The following SHMT1 variants were observed in gnomAD, a reference collection of about 807,000 sequenced individuals.
SHMT1 encodes serine hydroxymethyltransferase 1.
SHMT1 carries 45 observed loss-of-function variants against 49.0 expected under a neutral mutation model. That is an observed-to-expected ratio of 0.92 (90% CI 0.72 to 1.18). SHMT1 has a LOEUF of 1.18. Ranked by LOEUF, SHMT1 falls within the 50% of genes most tolerant of loss-of-function variation. The pLI, the probability that SHMT1 is intolerant of heterozygous loss-of-function variation, is 0.00. For synonymous variants in SHMT1, 232 were observed against 246.6 expected, an observed-to-expected ratio of 0.94 and a Z score of 0.55; for missense variants, 541 against 612.4, an observed-to-expected ratio of 0.88 and a Z score of 1.23.
At chr17:18,329,512 A>C (rs1567766107) in intron 10 of SHMT1, 124 bp from the exon 11 acceptor site, 1 of 760,288 alleles carries the variant, frequency 1.3e-6, no homozygotes, top group Non-Finnish European at 2.2e-6. Flanking sequence ...CCTAGCAAGG[A>C]GTACAACTGA....
At chr17:18,330,291 A>G (rs768351475) in intron 10 of SHMT1, among the ~76,000 whole-genome samples, 15 of 151,920 alleles carry the variant, frequency 9.9e-5, no homozygotes, top group Non-Finnish European at 2.1e-4. Context: ...ATGCACCACC[A>G]TGCCCAGCTA....
chr17:18,343,053 G>A (rs1431392645), intron 5 of SHMT1, among the ~76,000 whole-genome samples: 5 of 152,124 alleles, frequency 3.3e-5, no homozygotes, highest in Admixed American at 3.3e-4. Flanking sequence ...GAGAGATACT[G>A]AGCAAAGGGT....
chr17:18,352,602 C>T (rs905870148), intron 3 of SHMT1, among the ~76,000 whole-genome samples: 1 of 152,032 alleles, frequency 6.6e-6, no homozygotes, highest in Non-Finnish European at 1.5e-5. Context: ...AGGTGGATTG[C>T]TTGAGCTCAG....
In SHMT1 at chr17:18,328,784, G is replaced by A. The variant is rs752261133; in HGVS notation, c.1418C>T (p.Ser473Phe). The change falls in exon 12 of 12, where the codon TCT (serine) becomes TTT (phenylalanine). Residue 473 changes from serine (S) to phenylalanine (F), a missense_variant. Physicochemically the swap from Ser to Phe is radical, Grantham distance 155 (BLOSUM62 -2). Transcript: ENST00000316694. The part of the protein sequence containing the change: ...ALREEVESFA[S>F]LFPLPGLPDF ...AGGCAGGCCAGGCAGAGGGAAGAGA[G>A]AGGCGAAGCTCTCAACCTCCTCCCG... 4 of 1,597,858 alleles carry A rather than the reference G, an allele frequency of 2.5e-6. No individual in the cohort carries two copies. The highest frequency in any genetic ancestry group is 3.4e-6 in the Non-Finnish European group (4 of 1,171,902).
intron 5 of SHMT1, among the ~76,000 whole-genome samples, chr17:18,342,515 T>C (rs1303552223): frequency 1.3e-5 from 2 of 151,096 alleles, no homozygotes; most frequent in Non-Finnish European, 2.9e-5. Flanking sequence ...GGTTTCACCA[T>C]GTTGCCCAGG....
At chr17:18,329,542 C>A (rs1227523240) in intron 10 of SHMT1, among the ~76,000 whole-genome samples, 154 bp from the exon 11 acceptor site, 1 of 152,184 alleles carries the variant, frequency 6.6e-6, no homozygotes, top group African/African-American at 2.4e-5. Context: ...TAAAGTAGAA[C>A]CCAAGGCACA....
chr17:18,328,570 G>T lies in SHMT1; in HGVS notation c.*180C>A, dbSNP rs1446807378. The T allele has an allele frequency of 6.2e-6, 4 of 642,812 alleles. No individual in the cohort carries two copies. Among genetic ancestry groups the T allele is most frequent in the Non-Finnish European group, 5.3e-6 (2 of 376,470 alleles). The allele number at this position is 642,812 out of a possible 1,614,324, so 39.8% of individuals were successfully genotyped here. ...AACCTGTCCCAGAATTACTAACAATGAGACTTAAACAAATTTTGATTTGTG... is the reference window on the plus strand; with the variant it reads ...AACCTGTCCCAGAATTACTAACAATTAGACTTAAACAAATTTTGATTTGTG... On this transcript the variant is annotated 3_prime_UTR_variant, in exon 12 of 12. Transcript: ENST00000316694.
rs768874278 is a variant in SHMT1, at chr17:18,353,672, C to T, written c.242G>A (p.Arg81Lys). 1 of 1,614,096 alleles carries T rather than the reference C, an allele frequency of 6.2e-7. No individual in the cohort carries two copies. The highest frequency in any genetic ancestry group is 8.5e-7 in the Non-Finnish European group (1 of 1,180,014). The change falls in exon 3 of 12, where the codon AGA becomes AAA. Residue 81 changes from arginine to lysine, a missense_variant and splice_region_variant. Physicochemically the swap from Arg to Lys is conservative, Grantham distance 26. Coordinates refer to ENST00000316694, the MANE Select transcript of SHMT1 (RefSeq NM_004169.5). ...NKYSEGYPGQ[R>K]YYGGTEFIDE... The stretch of plus-strand genomic sequence containing the variant: ...CAGGCCTTTGAAGATATTCACATAC[C>T]TCTGGCCCGGGTACCCCTCAGAGTA...
intron 11 of SHMT1, 48 bp from the exon 12 acceptor site, chr17:18,328,967 G>A: frequency 6.2e-7 from 1 of 1,609,020 alleles, no homozygotes; most frequent in Non-Finnish European, 8.5e-7. Flanking sequence ...ACACCAAAGG[G>A]GGTACAATGG....
chr17:18,349,773 C>A (rs1985489102), intron 3 of SHMT1, among the ~76,000 whole-genome samples: 1 of 151,974 alleles, frequency 6.6e-6, no homozygotes, highest in South Asian at 2.1e-4. Flanking sequence ...GTAATCTCAG[C>A]ACTTTGGGAG....
At chr17:18,338,619 A>AG (rs1236048978) in intron 7 of SHMT1, among the ~76,000 whole-genome samples, 1 of 152,246 alleles carries the variant, frequency 6.6e-6, no homozygotes, top group Non-Finnish European at 1.5e-5. Flanking sequence ...CGAATAGAAA[A>AG]GGGGGAAATG....
chr17:18,351,923 C>T (rs1985748764), intron 3 of SHMT1, among the ~76,000 whole-genome samples: 1 of 152,130 alleles, frequency 6.6e-6, no homozygotes, highest in African/African-American at 2.4e-5. Flanking sequence ...TAGCTCACTG[C>T]AGCCTTTGAT....
chr17:18,363,530 C>T lies in SHMT1; in HGVS notation c.-178G>A, dbSNP rs1276822582. 1 of 152,312 alleles carries T rather than the reference C, an allele frequency of 6.6e-6. No individual in the cohort carries two copies. The highest frequency in any genetic ancestry group is 1.5e-5 in the Non-Finnish European group (1 of 68,088). 9.4% of individuals were successfully genotyped at this position (152,312 alleles called of 1,614,324 possible). A position where few individuals can be genotyped will look rare whatever the true frequency, so the allele number is the denominator to read the frequency against. On this transcript the variant is annotated 5_prime_UTR_variant, in exon 1 of 12. Coordinates refer to ENST00000316694, the MANE Select transcript of SHMT1 (RefSeq NM_004169.5). ...CCGCTCGAGCTCAGGAAGGTGCACT[C>T]TGCGCGCCAGGCTTGGGCTTGGCCC...
chr17:18,333,005 G>T (rs1447567972), intron 9 of SHMT1, 161 bp downstream of exon 9: 9 of 861,074 alleles, frequency 1.0e-5, no homozygotes, highest in Non-Finnish European at 1.7e-5. Context: ...GAGGCAGGGG[G>T]AGGCTTTCCA....
intron 7 of SHMT1, 109 bp downstream of exon 7, chr17:18,339,934 C>T: frequency 1.9e-6 from 2 of 1,068,904 alleles, no homozygotes; most frequent in South Asian, 1.3e-5. Context: ...TTAATATTTT[C>T]CAAGGATCCC....
At chr17:18,330,159 A>G (rs1004786728) in intron 10 of SHMT1, among the ~76,000 whole-genome samples, 1 of 148,730 alleles carries the variant, frequency 6.7e-6, no homozygotes, top group Non-Finnish European at 1.5e-5. Flanking sequence ...TTTTTTAGAC[A>G]GAGTCTCATT....
At chr17:18,359,944 T>TAA (rs751992047) in intron 1 of SHMT1, among the ~76,000 whole-genome samples, 2 of 128,210 alleles carry the variant, frequency 1.6e-5, no homozygotes, top group Non-Finnish European at 1.7e-5. Context: ...GACTCTATCT[T>TAA]AAAAAAAAAA....
intron 4 of SHMT1, 145 bp from the exon 5 acceptor site, chr17:18,347,801 C>T: frequency 2.4e-6 from 2 of 844,268 alleles, no homozygotes; most frequent in East Asian, 5.3e-5. Flanking sequence ...GCCCCTTCAC[C>T]ACCAGCCTTG....
chr17:18,344,645 G>T (rs1984894565), intron 5 of SHMT1, among the ~76,000 whole-genome samples: 1 of 143,972 alleles, frequency 6.9e-6, no homozygotes, highest in Non-Finnish European at 1.5e-5. Context: ...TTTTTCAAAG[G>T]TTTTTCTTTT....
Sources: gnomAD v4.1 joint callset for allele counts (sites outside exome capture counted in the v4.1 genomes callset) on GRCh38, gnomAD v4.1.1 for gene constraint, MANE v1.5 for transcripts, NCBI Gene and HGNC (gene_info 2026-07-23, HGNC 2026-07-21) for gene names.